The following GPATCH8 variants were observed in gnomAD, a reference collection of about 807,000 sequenced individuals.
The protein encoded by GPATCH8 is G patch domain-containing protein 8.
GPATCH8 carries 18 observed loss-of-function variants against 118.3 expected under a neutral mutation model. That is an observed-to-expected ratio of 0.15 (90% CI 0.11 to 0.23). GPATCH8 has a LOEUF of 0.23. Ranked by LOEUF, GPATCH8 falls within the 10% of genes least tolerant of loss-of-function variation. The pLI, the probability that GPATCH8 is intolerant of heterozygous loss-of-function variation, is 1.00. For synonymous variants in GPATCH8, 659 were observed against 684.7 expected (o/e 0.96, Z 0.59); for missense variants, 1,631 against 1,873.8 (o/e 0.87, Z 2.39).
At chr17:44,429,325 G>A (rs186737100) in intron 5 of GPATCH8, among the ~76,000 whole-genome samples, 87 of 152,210 alleles carry the variant, frequency 5.7e-4, no homozygotes, top group Middle Eastern at 3.4e-3. Flanking sequence ...GGTAAAAAAG[G>A]ATAATGACAA....
At chr17:44,418,615 C>T (rs1296634102) in intron 6 of GPATCH8, among the ~76,000 whole-genome samples, 5 of 152,062 alleles carry the variant, frequency 3.3e-5, no homozygotes, top group African/African-American at 7.2e-5. Context: ...CTGCCACGCC[C>T]GGCTTTTTTG....
At chr17:44,405,678 G>A (rs2049193937) in intron 7 of GPATCH8, among the ~76,000 whole-genome samples, 1 of 151,334 alleles carries the variant, frequency 6.6e-6, no homozygotes, top group Non-Finnish European at 1.5e-5. Context: ...CTAATTTTTT[G>A]TATTTTTAGT....
At chr17:44,459,732 A>T (rs969433559) in intron 3 of GPATCH8, among the ~76,000 whole-genome samples, 3 of 141,800 alleles carry the variant, frequency 2.1e-5, no homozygotes, top group Non-Finnish European at 4.7e-5. Context: ...TACAGCAGTT[A>T]AAAAAAAAAG....
intron 6 of GPATCH8, among the ~76,000 whole-genome samples, chr17:44,422,784 A>G (rs1433573478): frequency 6.6e-6 from 1 of 151,828 alleles, no homozygotes; most frequent in East Asian, 2.0e-4. Context: ...GGCCGGCCTA[A>G]CATTTTTAAA....
At chr17:44,467,188 CTTG>C (rs1214647564) in intron 2 of GPATCH8, 2 of 512,548 alleles carry the variant, frequency 3.9e-6, no homozygotes, top group African/African-American at 4.1e-5. Flanking sequence ...TTTTTTTTGT[CTTG>C]TTTTCAATTC....
At chr17:44,441,260 T>C (rs1460221396) in intron 3 of GPATCH8, among the ~76,000 whole-genome samples, 2 of 152,148 alleles carry the variant, frequency 1.3e-5, no homozygotes, top group South Asian at 2.1e-4. Context: ...ACAGAAGACA[T>C]ATGATTTCCC....
chr17:44,444,440 G>A (rs2050802060), intron 3 of GPATCH8, among the ~76,000 whole-genome samples: 2 of 151,774 alleles, frequency 1.3e-5, no homozygotes, highest in Admixed American at 1.3e-4. Context: ...ACATGGGGCT[G>A]AGGAGATACG....
At chr17:44,485,170 A>C (rs985060373) in intron 1 of GPATCH8, among the ~76,000 whole-genome samples, 17 of 151,512 alleles carry the variant, frequency 1.1e-4, no homozygotes, top group African/African-American at 3.9e-4. Context: ...GAGTGCAGTG[A>C]CACAATCTTG....
chr17:44,406,157 T>TA, intron 6 of GPATCH8, 106 bp from the exon 7 acceptor site: 2 of 831,974 alleles, frequency 2.4e-6, no homozygotes, highest in African/African-American at 1.7e-5. Context: ...GTCATGGTAT[T>TA]AGTGTTGAAC....
chr17:44,399,080 A>G lies in GPATCH8; in HGVS notation c.2997T>C (p.Pro999=). 6.2e-7 allele frequency: 1 copy of G among 1,614,000 alleles called. No individual in the cohort carries two copies. The highest frequency in any genetic ancestry group is 1.3e-5 in the African/African-American group (1 of 75,002). The change falls in exon 8 of 8, where the codon CCT becomes CCC. Residue 999 remains proline, a synonymous_variant. Coordinates refer to ENST00000591680, the MANE Select transcript of GPATCH8 (RefSeq NM_001002909.4). The part of the protein sequence containing the change: ...SRDRSRSTRS[P]SQRSGSRKRS... ...TCTTCCTGGAGCCTGATCTCTGGGA[A>G]GGGCTCCTGGTGCTGCGGCTGCGGT...
intron 6 of GPATCH8, among the ~76,000 whole-genome samples, chr17:44,411,939 T>G (rs2049450853): frequency 6.6e-6 from 1 of 151,852 alleles, no homozygotes; most frequent in Admixed American, 6.6e-5. Flanking sequence ...AAAAAAAAAT[T>G]GAGATGGAGT....
intron 6 of GPATCH8, among the ~76,000 whole-genome samples, chr17:44,422,983 C>T (rs1474907984): frequency 1.3e-5 from 2 of 151,700 alleles, no homozygotes; most frequent in African/African-American, 2.4e-5. Context: ...AAAAGAATGT[C>T]CACGGCCGGG....
chr17:44,466,023 C>CT (rs893807986), intron 2 of GPATCH8: 15 of 149,438 alleles, frequency 1.0e-4, no homozygotes, highest in South Asian at 4.3e-4. Flanking sequence ...AAAACCAGGA[C>CT]TTTTTTTTTT....
intron 3 of GPATCH8, among the ~76,000 whole-genome samples, chr17:44,459,213 T>C (rs1025924676): frequency 3.9e-5 from 6 of 152,294 alleles, no homozygotes; most frequent in African/African-American, 1.4e-4. Context: ...GATCCTGAAG[T>C]CCAACATCTA....
At chr17:44,448,635 A>G (rs1300342106) in intron 3 of GPATCH8, among the ~76,000 whole-genome samples, 3 of 151,950 alleles carry the variant, frequency 2.0e-5, no homozygotes, top group African/African-American at 7.2e-5. Flanking sequence ...TGCTCACTTA[A>G]GAAGCTTCCT....
intron 7 of GPATCH8, 129 bp downstream of exon 7, chr17:44,405,792 C>T (rs1373854796): frequency 1.4e-6 from 1 of 728,660 alleles, no homozygotes; most frequent in East Asian, 3.1e-5. Context: ...GGGTGAGCCA[C>T]TGCGCCTGGC....
intron 7 of GPATCH8, among the ~76,000 whole-genome samples, chr17:44,402,450 C>T (rs564047388): frequency 6.6e-6 from 1 of 151,014 alleles, no homozygotes; most frequent in African/African-American, 2.4e-5. Flanking sequence ...TAATGTATGG[C>T]TGTACATGTA....
intron 7 of GPATCH8, among the ~76,000 whole-genome samples, chr17:44,404,394 T>G (rs1230136277): frequency 2.0e-5 from 3 of 151,474 alleles, no homozygotes; most frequent in Non-Finnish European, 2.9e-5. Flanking sequence ...CCTCTTACTT[T>G]GGCCTCCCAA....
At chr17:44,453,111 C>A (rs1166530864) in intron 3 of GPATCH8, among the ~76,000 whole-genome samples, 1 of 152,138 alleles carries the variant, frequency 6.6e-6, no homozygotes, top group Non-Finnish European at 1.5e-5. Context: ...GGATTACAGG[C>A]GTGAGCCACC....
Sources: gnomAD v4.1 joint callset for allele counts (sites outside exome capture counted in the v4.1 genomes callset) on GRCh38, gnomAD v4.1.1 for gene constraint, MANE v1.5 for transcripts, NCBI Gene and HGNC (gene_info 2026-07-23, HGNC 2026-07-21) for gene names.